TRMT44: variants seen among roughly 807,000 people sequenced by gnomAD.
TRMT44 encodes the protein tRNA methyltransferase 44 homolog.
TRMT44 carries 78 observed loss-of-function variants against 77.3 expected under a neutral mutation model. That is an observed-to-expected ratio of 1.01 (90% CI 0.84 to 1.22). The LOEUF (loss-of-function observed/expected upper bound fraction) is 1.22. Ranked by LOEUF, TRMT44 falls within the 50% of genes most tolerant of loss-of-function variation. The pLI is 0.00. For synonymous variants in TRMT44, 391 were observed against 383.3 expected, an observed-to-expected ratio of 1.02 and a Z score of -0.23; for missense variants, 1,090 against 964.4, an observed-to-expected ratio of 1.13 and a Z score of -1.73.
chr4:8,475,282 G>A (rs570858820), intron 10 of TRMT44, among the ~76,000 whole-genome samples: 29 of 152,136 alleles, frequency 1.9e-4, no homozygotes, highest in Admixed American at 1.5e-3. Context: ...CTCGTGTTTC[G>A]GCTCTCACAC....
chr4:8,486,450 G>A (rs532264380), intron 2 of TRMT44, among the ~76,000 whole-genome samples: 2 of 152,160 alleles, frequency 1.3e-5, no homozygotes, highest in Non-Finnish European at 2.9e-5. Context: ...TTTGAGGGCT[G>A]GAATTTAATT....
In TRMT44 at chr4:8,476,173, G is replaced by A; in HGVS notation, c.*172G>A. On this transcript the variant is annotated 3_prime_UTR_variant, in exon 11 of 11. Transcript: ENST00000389737. Reference sequence around the variant, plus strand: ...TATTTCATAAACATCACACGCCAGAGAAGCCACAGTTACTCGGAAGCCCCC... The same window carrying A: ...TATTTCATAAACATCACACGCCAGAAAAGCCACAGTTACTCGGAAGCCCCC... The A allele has an allele frequency of 1.5e-6, 1 of 652,180 alleles. No homozygotes were observed. 40.4% of individuals were successfully genotyped at this position (652,180 alleles called of 1,614,324 possible). A position where few individuals can be genotyped will look rare whatever the true frequency, so the allele number is the denominator to read the frequency against.
At chr4:8,503,207 G>A in the TRMT44 span, among the ~76,000 whole-genome samples, 25 of 152,174 alleles carry the variant, frequency 1.6e-4, no homozygotes, top group Admixed American at 9.2e-4. Flanking sequence ...TGCAGGAGCC[G>A]CATTTAGGGG....
At chr4:8,469,137 C>T (rs1726806727) in intron 9 of TRMT44, among the ~76,000 whole-genome samples, 1 of 152,250 alleles carries the variant, frequency 6.6e-6, no homozygotes, top group African/African-American at 2.4e-5. Flanking sequence ...TTTCCTTCTT[C>T]ATCCTTTGTC....
downstream of TRMT44, chr4:8,477,439 C>T (rs940744789): frequency 1.3e-5 from 2 of 152,268 alleles, no homozygotes; most frequent in African/African-American, 4.8e-5. Context: ...GGGCAGGCCC[C>T]AGTTTGTCGA....
At chr4:8,516,731 T>C in the TRMT44 span, among the ~76,000 whole-genome samples, 1 of 152,010 alleles carries the variant, frequency 6.6e-6, no homozygotes, top group Non-Finnish European at 1.5e-5. Context: ...TCAGCCAAGA[T>C]CGCACCATTG....
chr4:8,466,977 C>G (rs1726603661), intron 8 of TRMT44, among the ~76,000 whole-genome samples: 1 of 152,202 alleles, frequency 6.6e-6, no homozygotes, highest in African/African-American at 2.4e-5. Flanking sequence ...TTATCACCCG[C>G]GCCTGGCCTT....
At chr4:8,468,452 C>A in intron 9 of TRMT44, 106 bp downstream of exon 9, 2 of 1,213,706 alleles carry the variant, frequency 1.6e-6, no homozygotes, top group Non-Finnish European at 1.2e-6. Flanking sequence ...TGTGACTACA[C>A]ACTTTGAAAA....
rs1724661262 is a variant in TRMT44, at chr4:8,441,220, G to A, written c.398G>A (p.Arg133Lys). ...GGGCACCCCGGCCATGCTGAAGGAAGGGAGGGCGACTTCCCCGCCGCAGAT... is the reference window on the plus strand; with the variant it reads ...GGGCACCCCGGCCATGCTGAAGGAAAGGAGGGCGACTTCCCCGCCGCAGAT... ...DSGHPGHAEG[R>K]EGDFPAADLD... The change falls in exon 1 of 11, where the codon AGG becomes AAG. Residue 133 changes from arginine (R) to lysine (K), a missense_variant. Arg to Lys is a conservative substitution (Grantham distance 26). Transcript: ENST00000389737. The A allele has an allele frequency of 1.3e-6, 2 of 1,535,380 alleles. No homozygotes were observed. The highest frequency in any genetic ancestry group is 2.0e-5 in the Admixed American group (1 of 50,928).
Position 8,467,883 on chromosome 4 carries a change from A to G in TRMT44, c.1495-31A>G, listed in dbSNP as rs769450737. 3.8e-6 allele frequency: 6 copies of G among 1,562,692 alleles called. No homozygotes were observed. The Middle Eastern group carries it at 5.2e-4, about 135-fold the overall frequency. ...GAACGTTGAAATAGACTAGCCAGCTAAAATACTTGCTTTGCTTTCTTCAAA... is the reference window on the plus strand; with the variant it reads ...GAACGTTGAAATAGACTAGCCAGCTGAAATACTTGCTTTGCTTTCTTCAAA... On this transcript the variant is annotated intron_variant, in intron 8 of 10. Transcript: ENST00000389737.
chr4:8,500,410 C>T, the TRMT44 span, among the ~76,000 whole-genome samples: 3 of 151,678 alleles, frequency 2.0e-5, no homozygotes, highest in East Asian at 1.9e-4. Flanking sequence ...AAGAGAGAAT[C>T]GGTTGAACCT....
chr4:8,492,385 C>T (rs985909364), intron 2 of TRMT44, among the ~76,000 whole-genome samples: 6 of 152,206 alleles, frequency 3.9e-5, no homozygotes, highest in African/African-American at 9.6e-5. Flanking sequence ...GAAACCGCCT[C>T]TGCAAAAATT....
chr4:8,474,279 TG>T, intron 10 of TRMT44, among the ~76,000 whole-genome samples: 1 of 152,330 alleles, frequency 6.6e-6, no homozygotes, highest in South Asian at 2.1e-4. Flanking sequence ...GGTCCCTCAG[TG>T]GCCAGGATGT....
intron 6 of TRMT44, among the ~76,000 whole-genome samples, chr4:8,459,106 G>T (rs1725992009): frequency 6.6e-6 from 1 of 151,996 alleles, no homozygotes; most frequent in Non-Finnish European, 1.5e-5. Context: ...GGAGGCTGAG[G>T]TTGGGGGATC....
At chr4:8,486,181 T>A (rs1727798038) in intron 2 of TRMT44, among the ~76,000 whole-genome samples, 1 of 152,094 alleles carries the variant, frequency 6.6e-6, no homozygotes, top group Non-Finnish European at 1.5e-5. Context: ...GGACACAGCT[T>A]AGGGGGAATC....
chr4:8,449,167 C>A (rs1044835028), intron 2 of TRMT44, among the ~76,000 whole-genome samples: 1 of 152,188 alleles, frequency 6.6e-6, no homozygotes, highest in Admixed American at 6.5e-5. Context: ...AGACAGAAGC[C>A]CCCCACTGTC....
At chr4:8,485,311 G>T (rs954279793) in intron 2 of TRMT44, among the ~76,000 whole-genome samples, 1 of 152,190 alleles carries the variant, frequency 6.6e-6, no homozygotes, top group Non-Finnish European at 1.5e-5. Context: ...GAGGACAAAA[G>T]AATGTACGGG....
chr4:8,501,651 T>C, the TRMT44 span, among the ~76,000 whole-genome samples: 18 of 152,206 alleles, frequency 1.2e-4, no homozygotes, highest in Non-Finnish European at 2.5e-4. This position sits in a 1 kb window ranked among gnomAD's most constrained non-coding sequence, Gnocchi z 4.4. Context: ...CTATTTGAGA[T>C]GTTTTTGGAC....
chr4:8,464,189 C>T, intron 7 of TRMT44, 98 bp downstream of exon 7: 1 of 859,630 alleles, frequency 1.2e-6, no homozygotes, highest in Non-Finnish European at 1.8e-6. Flanking sequence ...GTGCAGTTGT[C>T]AAGCACTTGA....
Sources: allele counts gnomAD v4.1 joint callset (sites outside exome capture counted in the v4.1 genomes callset), GRCh38; gene constraint gnomAD v4.1.1; non-coding constraint Gnocchi (gnomAD v3.1); transcripts MANE v1.5; gene names NCBI Gene and HGNC (gene_info 2026-07-23, HGNC 2026-07-21).